TRDN: variants seen among roughly 807,000 people sequenced by gnomAD.
TRDN encodes the protein triadin in skeletal muscle.
Under a neutral mutation model 149.7 loss-of-function variants are expected in TRDN, and 161 were observed. That is an observed-to-expected ratio of 1.08 (90% CI 0.95 to 1.23). The LOEUF (loss-of-function observed/expected upper bound fraction) is 1.23. Among genes scored for constraint, TRDN ranks in the 50% most tolerant of loss-of-function variants. The pLI, the probability that TRDN is intolerant of heterozygous loss-of-function variation, is 0.00. For synonymous variants in TRDN, 294 were observed against 250.5 expected, an observed-to-expected ratio of 1.17 and a Z score of -1.64; for missense variants, 896 against 823.5, an observed-to-expected ratio of 1.09 and a Z score of -1.08.
chr6:123,278,630 T>C (rs1181413764), intron 25 of TRDN, among the ~76,000 whole-genome samples: 4 of 152,084 alleles, frequency 2.6e-5, no homozygotes, highest in African/African-American at 7.2e-5. Context: ...GCCAGCCAGG[T>C]GTGTTGGTGC....
At chr6:123,290,555 G>T (rs1172087223) in intron 24 of TRDN, among the ~76,000 whole-genome samples, 1 of 152,034 alleles carries the variant, frequency 6.6e-6, no homozygotes, top group African/African-American at 2.4e-5. Context: ...ATGGTATCTT[G>T]TTTCTTAGAA....
At chr6:123,310,632 C>T (rs377451141) in intron 24 of TRDN, among the ~76,000 whole-genome samples, 10 of 151,882 alleles carry the variant, frequency 6.6e-5, no homozygotes, top group East Asian at 3.9e-4. Flanking sequence ...ATACCAGAAA[C>T]GGATGGCTTG....
intron 9 of TRDN, among the ~76,000 whole-genome samples, chr6:123,494,448 T>G (rs961898376): frequency 4.6e-5 from 7 of 152,196 alleles, no homozygotes; most frequent in Non-Finnish European, 8.8e-5. Context: ...GTCTTGAGAC[T>G]TTCTTAGGAA....
intron 1 of TRDN, among the ~76,000 whole-genome samples, chr6:123,633,452 C>T (rs1786120914): frequency 1.3e-5 from 2 of 151,988 alleles, no homozygotes; most frequent in Admixed American, 1.3e-4. Flanking sequence ...AATTCTAGCA[C>T]ATTCTTTAAA....
intron 1 of TRDN, among the ~76,000 whole-genome samples, chr6:123,614,176 A>G (rs763278973): frequency 6.6e-6 from 1 of 151,606 alleles, no homozygotes; most frequent in Non-Finnish European, 1.5e-5. Context: ...AGTGATTCAT[A>G]TACATGTTAA....
chr6:123,501,699 C>A (rs1778706585), intron 8 of TRDN: 1 of 341,090 alleles, frequency 2.9e-6, no homozygotes, highest in Non-Finnish European at 4.1e-6. Context: ...CTTGCTTTAG[C>A]AATTGCAATT....
chr6:123,388,571 GT>G lies in TRDN; in HGVS notation c.1106-21del. On this transcript the variant is annotated intron_variant, in intron 13 of 40. Coordinates refer to ENST00000334268, the MANE Select transcript of TRDN (RefSeq NM_006073.4). ...CTGCTGCTGAAGTAATGAAAATAGC[GT>G]TAAGGCATATGAAATGACCATTCCT... 6.3e-7 allele frequency: 1 copy of G among 1,576,528 alleles called. No individual in the cohort carries two copies. Among genetic ancestry groups the G allele is most frequent in the South Asian group, 1.2e-5 (1 of 86,468 alleles).
intron 9 of TRDN, among the ~76,000 whole-genome samples, chr6:123,474,180 G>A (rs1344544666): frequency 3.9e-5 from 6 of 152,040 alleles, no homozygotes; most frequent in Non-Finnish European, 7.4e-5. Flanking sequence ...CCATCAGTGT[G>A]CTGTATTCAG....
chr6:123,537,387 A>G (rs1167219705), intron 4 of TRDN, among the ~76,000 whole-genome samples: 1 of 152,170 alleles, frequency 6.6e-6, no homozygotes, highest in Admixed American at 6.5e-5. Flanking sequence ...ATTTGAGAGG[A>G]CAAGGATAGA....
chr6:123,361,106 G>T (rs1308168210), intron 20 of TRDN, among the ~76,000 whole-genome samples: 1 of 152,100 alleles, frequency 6.6e-6, no homozygotes, highest in East Asian at 1.9e-4. Flanking sequence ...CCAGTAATAG[G>T]ATTGCCGTGT....
At chr6:123,347,234 T>C (rs1374828673) in intron 21 of TRDN, among the ~76,000 whole-genome samples, 6 of 152,094 alleles carry the variant, frequency 3.9e-5, no homozygotes, top group Admixed American at 3.3e-4. Flanking sequence ...GCTAAGAGAA[T>C]ATAGTACGTA....
intron 4 of TRDN, among the ~76,000 whole-genome samples, chr6:123,545,354 T>C (rs1781059883): frequency 6.6e-6 from 1 of 151,912 alleles, no homozygotes; most frequent in Non-Finnish European, 1.5e-5. Context: ...ATGTAGAATA[T>C]GTATTATAAA....
intron 2 of TRDN, among the ~76,000 whole-genome samples, chr6:123,556,808 A>C (rs1781689002): frequency 6.6e-6 from 1 of 152,014 alleles, no homozygotes; most frequent in Non-Finnish European, 1.5e-5. Context: ...GCCCTCACAA[A>C]ATTCATATGT....
At chr6:123,602,919 A>G (rs563337443) in intron 1 of TRDN, among the ~76,000 whole-genome samples, 24 of 151,464 alleles carry the variant, frequency 1.6e-4, no homozygotes, top group African/African-American at 5.9e-4. Context: ...TACTTCAGCC[A>G]AAGGACAGTT....
chr6:123,598,350 G>T (rs779978394), intron 1 of TRDN, among the ~76,000 whole-genome samples: 13 of 151,990 alleles, frequency 8.6e-5, no homozygotes, highest in Admixed American at 2.6e-4. Flanking sequence ...AGATCGTATT[G>T]TATGTATATT....
chr6:123,277,026 C>T (rs920960754), intron 26 of TRDN, among the ~76,000 whole-genome samples: 1 of 152,098 alleles, frequency 6.6e-6, no homozygotes, highest in Non-Finnish European at 1.5e-5. Flanking sequence ...TTTGGATTTG[C>T]TTAGGACTCA....
chr6:123,572,435 T>G (rs1782628842), intron 1 of TRDN, among the ~76,000 whole-genome samples: 1 of 152,104 alleles, frequency 6.6e-6, no homozygotes, highest in South Asian at 2.1e-4. Context: ...TTGATACTAC[T>G]GTATGGCTAG....
rs955533375 is a variant in TRDN at position 123,240,758 on chromosome 6, A to G, written c.1975+11654T>C. Among the ~76,000 whole-genome samples, 14 of 152,048 alleles carry G rather than the reference A, an allele frequency of 9.2e-5. No individual in the cohort carries two copies. In the Middle Eastern group the frequency reaches 0.01, roughly 111 times the overall value. On this transcript the variant is annotated intron_variant, in intron 38 of 40. Transcript: ENST00000334268. Reference sequence around the variant, plus strand: ...TAAATTTTCTTGTGCAGTGCTAGATATGGGACTGGCATATGTTGTAAAGTG... The same window carrying G: ...TAAATTTTCTTGTGCAGTGCTAGATGTGGGACTGGCATATGTTGTAAAGTG...
At chr6:123,425,294 GTGT>G (rs1774077247) in intron 12 of TRDN, among the ~76,000 whole-genome samples, 2 of 146,458 alleles carry the variant, frequency 1.4e-5, no homozygotes, top group Admixed American at 6.9e-5. Flanking sequence ...TAGATGAGGG[GTGT>G]TGTTGTTTGT....
Sources: gnomAD v4.1 joint callset for allele counts (sites outside exome capture counted in the v4.1 genomes callset) on GRCh38, gnomAD v4.1.1 for gene constraint, MANE v1.5 for transcripts, NCBI Gene and HGNC (gene_info 2026-07-23, HGNC 2026-07-21) for gene names.